The following SYN3 variants were observed in gnomAD, a reference collection of about 807,000 sequenced individuals.
SYN3 encodes the protein synapsin-3.
SYN3 carries 35 observed loss-of-function variants against 65.8 expected under a neutral mutation model. The observed-to-expected ratio is 0.53, with a 90% CI of 0.41 to 0.70. SYN3 has a LOEUF of 0.70. SYN3 is among the 30% of genes least tolerant of loss of function. The pLI is 0.00. For missense variants in SYN3, 680 were observed against 749.0 expected (o/e 0.91, Z 1.08); for synonymous variants, 270 against 292.9 (o/e 0.92, Z 0.80).
At chr22:32,970,130 T>G (rs1019081443) in intron 3 of SYN3, among the ~76,000 whole-genome samples, 1 of 152,238 alleles carries the variant, frequency 6.6e-6, no homozygotes, top group African/African-American at 2.4e-5. Context: ...AAGCACTTTC[T>G]ATATGCTAGG....
chr22:32,859,553 T>C, intron 6 of SYN3: 1 of 798,814 alleles, frequency 1.3e-6, no homozygotes, highest in Non-Finnish European at 1.9e-6. Flanking sequence ...ACTATCCTCC[T>C]GGCCCCACCC....
chr22:32,621,278 T>C (rs906923428), intron 6 of SYN3, among the ~76,000 whole-genome samples: 1 of 148,536 alleles, frequency 6.7e-6, no homozygotes, highest in Admixed American at 6.7e-5. Flanking sequence ...CAGGTAAAGC[T>C]GGTCCTGGTA....
intron 6 of SYN3, among the ~76,000 whole-genome samples, chr22:32,697,356 C>T (rs900992556): frequency 3.9e-5 from 6 of 152,154 alleles, no homozygotes; most frequent in Non-Finnish European, 7.3e-5. Context: ...ACTTTGGACA[C>T]ATTATGTAAG....
intron 6 of SYN3, among the ~76,000 whole-genome samples, chr22:32,637,944 T>C (rs1242569451): frequency 1.3e-5 from 2 of 152,174 alleles, no homozygotes; most frequent in Non-Finnish European, 2.9e-5. Context: ...CAGCAACAGT[T>C]AGCTTTTCAA....
intron 6 of SYN3, among the ~76,000 whole-genome samples, chr22:32,723,870 A>G (rs932991540): frequency 2.0e-5 from 3 of 152,232 alleles, no homozygotes; most frequent in African/African-American, 7.2e-5. Context: ...AGGCCGTGCC[A>G]CGTGAGGGGG....
chr22:32,864,627 G>C lies in SYN3; in HGVS notation c.711+288C>G, dbSNP rs74361876. ...TCTTTTACCTTTATAATCAGCCTCT[G>C]GTTCTAACATGCCCCCAGAACGTGT... On this transcript the variant is annotated intron_variant, in intron 6 of 13. Coordinates refer to ENST00000358763, the MANE Select transcript of SYN3 (RefSeq NM_003490.4). The C allele has an allele frequency of 7.3e-3, 1,842 of 253,480 alleles. 15 individuals carry two copies. Among genetic ancestry groups the C allele is most frequent in the East Asian group, 0.026 (359 of 13,886 alleles). 15.7% of individuals were successfully genotyped at this position (253,480 alleles called of 1,614,324 possible).
intron 4 of SYN3, among the ~76,000 whole-genome samples, chr22:32,924,799 AG>A (rs1264999989): frequency 6.6e-6 from 1 of 152,198 alleles, no homozygotes; most frequent in Non-Finnish European, 1.5e-5. Flanking sequence ...TCCAAAATCA[AG>A]GTGTTGGCAG....
chr22:32,762,699 G>A (rs5998624), intron 6 of SYN3, among the ~76,000 whole-genome samples: 21,130 of 152,256 alleles, frequency 0.14, 1,484 homozygotes, highest in Middle Eastern at 0.2. Flanking sequence ...ACAGAGCGAG[G>A]TGGGGCGGGC....
chr22:32,557,262 C>CA (rs1193819385), intron 7 of SYN3, among the ~76,000 whole-genome samples: 1 of 151,050 alleles, frequency 6.6e-6, no homozygotes, highest in African/African-American at 2.4e-5. Context: ...AGAGGGTGAC[C>CA]AACACCACAA....
chr22:32,983,160 G>A (rs189054302), intron 2 of SYN3, among the ~76,000 whole-genome samples: 1 of 152,126 alleles, frequency 6.6e-6, no homozygotes, highest in Non-Finnish European at 1.5e-5. Flanking sequence ...CCTTCTCTGG[G>A]ACGGAGACAG....
chr22:32,931,669 T>TG (rs1218399716), intron 3 of SYN3, among the ~76,000 whole-genome samples, 188 bp from the exon 4 acceptor site: 1 of 152,220 alleles, frequency 6.6e-6, no homozygotes, highest in Non-Finnish European at 1.5e-5. Flanking sequence ...AGAGGCCTGG[T>TG]GGCATGTCCA....
At chr22:32,658,324 C>A (rs376057568) in intron 6 of SYN3, among the ~76,000 whole-genome samples, 3 of 152,350 alleles carry the variant, frequency 2.0e-5, no homozygotes, top group East Asian at 1.9e-4. Context: ...TGGTGTTTGA[C>A]TTCCCCCAAC....
intron 8 of SYN3, among the ~76,000 whole-genome samples, chr22:32,538,362 TA>T (rs1373887903): frequency 2.0e-5 from 3 of 151,966 alleles, no homozygotes; most frequent in Non-Finnish European, 4.4e-5. Context: ...AAGATTAAAT[TA>T]AAAAATGCCT....
At chr22:32,579,918 T>C (rs1038017432) in intron 7 of SYN3, among the ~76,000 whole-genome samples, 5 of 152,210 alleles carry the variant, frequency 3.3e-5, no homozygotes, top group African/African-American at 9.7e-5. Context: ...ATAAACCACA[T>C]GTTTATAGAG....
chr22:32,998,043 A>G lies in SYN3; in HGVS notation c.311+8309T>C, dbSNP rs1228129423. 5.3e-5 allele frequency among the ~76,000 whole-genome samples: 8 copies of G among 150,974 alleles called. No homozygotes were observed. The East Asian group carries it at 1.6e-3, about 29-fold the overall frequency. ...CTCCATCTCAAAAAAAAAAAAAAAA[A>G]GAATGCCACCAATGTCATTCCTCAG... On this transcript the variant is annotated intron_variant, in intron 2 of 13. Transcript: ENST00000358763.
intron 7 of SYN3, among the ~76,000 whole-genome samples, chr22:32,550,536 G>T (rs1366575272): frequency 1.3e-5 from 2 of 151,896 alleles, no homozygotes; most frequent in South Asian, 2.1e-4. Context: ...TAGGACCCAA[G>T]ATTTTTAAAT....
At chr22:32,589,276 G>A (rs2059096060) in intron 7 of SYN3, among the ~76,000 whole-genome samples, 1 of 152,228 alleles carries the variant, frequency 6.6e-6, no homozygotes, top group Non-Finnish European at 1.5e-5. Flanking sequence ...ATGATATTGA[G>A]CAATTCCTTC....
chr22:33,052,203 T>C (rs2054179162), intron 1 of SYN3, among the ~76,000 whole-genome samples: 1 of 152,154 alleles, frequency 6.6e-6, no homozygotes, highest in African/African-American at 2.4e-5. Context: ...GCCCACTCCC[T>C]CTTCCAAAAC....
rs1601532990 is a variant in SYN3, at chr22:32,513,674, C to T, written c.*18G>A. On this transcript the variant is annotated 3_prime_UTR_variant, in exon 14 of 14. Transcript: ENST00000358763. ...ACGAGTGTAGCAGAGCACTCTTCCC[C>T]TCCCAGCCTGGATGGCGTTAGTCAG... 1.9e-6 allele frequency: 3 copies of T among 1,613,358 alleles called. No homozygotes were observed. Among genetic ancestry groups the T allele is most frequent in the Non-Finnish European group, 2.5e-6 (3 of 1,179,636 alleles).
Sources: allele counts gnomAD v4.1 joint callset (sites outside exome capture counted in the v4.1 genomes callset), GRCh38; gene constraint gnomAD v4.1.1; transcripts MANE v1.5; gene names NCBI Gene and HGNC (gene_info 2026-07-23, HGNC 2026-07-21).